SLC44A5: variants seen among roughly 807,000 people sequenced by gnomAD.
SLC44A5 encodes choline transporter-like protein 5.
Under a neutral mutation model 101.8 loss-of-function variants are expected in SLC44A5, and 57 were observed. The ratio of observed to expected loss-of-function variants is 0.56; its 90% confidence interval spans 0.45 to 0.70. The LOEUF is 0.70. SLC44A5 is among the 30% of genes least tolerant of loss of function. The probability of loss-of-function intolerance (pLI) is 0.00; values close to 1 mark genes in which losing one functional copy is unlikely to be tolerated. For synonymous variants in SLC44A5, 281 were observed against 290.9 expected, an observed-to-expected ratio of 0.97 and a Z score of 0.35; for missense variants, 737 against 853.1, an observed-to-expected ratio of 0.86 and a Z score of 1.70.
At chr1:75,218,377 C>G in intron 17 of SLC44A5, 113 bp downstream of exon 17, 1 of 1,397,270 alleles carries the variant, frequency 7.2e-7, no homozygotes, top group South Asian at 1.4e-5. Context: ...AATTTTGATT[C>G]ATACCTTTGA....
At chr1:75,403,917 G>C (rs1040593037) in intron 2 of SLC44A5, among the ~76,000 whole-genome samples, 2 of 152,034 alleles carry the variant, frequency 1.3e-5, no homozygotes, top group African/African-American at 4.8e-5. Context: ...AAAGCAGCAT[G>C]TTCTAACCCA....
intron 10 of SLC44A5, among the ~76,000 whole-genome samples, chr1:75,237,738 A>C (rs1648227057): frequency 6.6e-6 from 1 of 152,074 alleles, no homozygotes; most frequent in Admixed American, 6.6e-5. Flanking sequence ...TTGTATCATT[A>C]TTTTGAGACT....
chr1:75,610,208 CTCT>C (rs1046622639), intron 1 of SLC44A5, among the ~76,000 whole-genome samples: 19 of 151,290 alleles, frequency 1.3e-4, no homozygotes, highest in African/African-American at 2.9e-4. Flanking sequence ...AGGAACTGAG[CTCT>C]TCTTCTCTCT....
intron 13 of SLC44A5, 52 bp downstream of exon 13, chr1:75,227,674 G>C: frequency 6.9e-7 from 1 of 1,455,024 alleles, no homozygotes; most frequent in Non-Finnish European, 9.1e-7. Context: ...TAGGCAAAAA[G>C]ATATTTTCTC....
chr1:75,716,726 T>TA, the SLC44A5 span, among the ~76,000 whole-genome samples: 1 of 152,080 alleles, frequency 6.6e-6, no homozygotes, highest in Non-Finnish European at 1.5e-5. Flanking sequence ...CCATCAACTA[T>TA]AGACTGGATA....
chr1:75,321,533 C>A (rs948028027), intron 4 of SLC44A5, among the ~76,000 whole-genome samples: 1 of 152,104 alleles, frequency 6.6e-6, no homozygotes, highest in Admixed American at 6.6e-5. Context: ...CCTGAGGTCA[C>A]CACCCTTGTG....
At chr1:75,272,891 A>C (rs1370882736) in intron 6 of SLC44A5, among the ~76,000 whole-genome samples, 1 of 151,916 alleles carries the variant, frequency 6.6e-6, no homozygotes, top group Non-Finnish European at 1.5e-5. Flanking sequence ...TTCCGTATGA[A>C]TTTTAGGATT....
intron 2 of SLC44A5, among the ~76,000 whole-genome samples, chr1:75,493,184 C>T (rs560117229): frequency 4.3e-4 from 65 of 152,262 alleles, no homozygotes; most frequent in African/African-American, 1.3e-3. Flanking sequence ...AATAAAGCCC[C>T]TAATTTTTTT....
chr1:75,608,331 A>ATGTGTG (rs113982384), intron 1 of SLC44A5, among the ~76,000 whole-genome samples: 8 of 148,682 alleles, frequency 5.4e-5, no homozygotes, highest in African/African-American at 2.0e-4. Context: ...TGTGAGGGGT[A>ATGTGTG]TGTGTGTGTG....
intron 3 of SLC44A5, among the ~76,000 whole-genome samples, chr1:75,375,675 A>G (rs1660533572): frequency 6.6e-6 from 1 of 152,248 alleles, no homozygotes. Context: ...ACAAGCCAGA[A>G]TAGACCTGGA....
intron 4 of SLC44A5, among the ~76,000 whole-genome samples, chr1:75,310,568 G>T (rs1298383975): frequency 6.6e-6 from 1 of 152,130 alleles, no homozygotes; most frequent in East Asian, 1.9e-4. Context: ...ATATGATTTG[G>T]AATGCATGTT....
At chr1:75,476,291 C>G (rs1667395025) in intron 2 of SLC44A5, among the ~76,000 whole-genome samples, 1 of 152,170 alleles carries the variant, frequency 6.6e-6, no homozygotes, top group African/African-American at 2.4e-5. Flanking sequence ...AGCATAGGAA[C>G]AGCTCTGGTC....
chr1:75,553,326 T>A (rs187175129), intron 1 of SLC44A5, among the ~76,000 whole-genome samples: 6 of 152,276 alleles, frequency 3.9e-5, no homozygotes, highest in Non-Finnish European at 8.8e-5. Flanking sequence ...TATTACTAAA[T>A]TTTTTCATTG....
At chr1:75,508,313 G>A (rs141730061) in intron 2 of SLC44A5, among the ~76,000 whole-genome samples, 1 of 152,184 alleles carries the variant, frequency 6.6e-6, no homozygotes, top group Non-Finnish European at 1.5e-5. Context: ...AATGAAAACA[G>A]AGACATGTCA....
At chr1:75,517,721 A>T (rs1669914129) in intron 2 of SLC44A5, among the ~76,000 whole-genome samples, 1 of 152,256 alleles carries the variant, frequency 6.6e-6, no homozygotes, top group African/African-American at 2.4e-5. Context: ...TAGAAAGCAA[A>T]TAAACTCATA....
intron 6 of SLC44A5, among the ~76,000 whole-genome samples, chr1:75,254,334 C>T (rs994192978): frequency 4.6e-5 from 7 of 152,092 alleles, no homozygotes; most frequent in Admixed American, 2.0e-4. Flanking sequence ...CCAGCGCACC[C>T]GGCCAGACCT....
chr1:75,242,811 C>A (rs1327027282), intron 8 of SLC44A5, 75 bp downstream of exon 8: 3 of 1,476,670 alleles, frequency 2.0e-6, no homozygotes, highest in South Asian at 1.4e-5. Context: ...TGTTCAGTAA[C>A]AAATTCTCAC....
intron 3 of SLC44A5, among the ~76,000 whole-genome samples, chr1:75,374,055 C>T (rs913247753): frequency 6.6e-6 from 1 of 152,168 alleles, no homozygotes; most frequent in South Asian, 2.1e-4. Flanking sequence ...CAGCTTCTGC[C>T]CCAAGGAGCC....
rs907435489 is a variant in SLC44A5 at position 75,505,164 on chromosome 1, A to G, written c.13+36271T>C. Reference sequence around the variant, plus strand: ...CTGCACCCATGTTGCTGCAAAGGACATGATTTTGTTCTTTTTATGGCTGCA... The same window carrying G: ...CTGCACCCATGTTGCTGCAAAGGACGTGATTTTGTTCTTTTTATGGCTGCA... On this transcript the variant is annotated intron_variant, in intron 2 of 23. Transcript: ENST00000370859. 8.5e-5 allele frequency among the ~76,000 whole-genome samples: 13 copies of G among 152,284 alleles called. 1 individual carries two copies. The highest frequency in any genetic ancestry group is 3.1e-4 in the African/African-American group (13 of 41,554).
Sources: allele counts gnomAD v4.1 joint callset (sites outside exome capture counted in the v4.1 genomes callset), GRCh38; gene constraint gnomAD v4.1.1; transcripts MANE v1.5; gene names NCBI Gene and HGNC (gene_info 2026-07-23, HGNC 2026-07-21).